The following HLA-DQB2 variants were observed in gnomAD, a reference collection of about 807,000 sequenced individuals.
HLA-DQB2 encodes the protein major histocompatibility complex, class II, DQ beta 2, also known as HLA class II histocompatibility antigen, DQ beta 2 chain.
In HLA-DQB2, 24 loss-of-function variants were observed where a neutral mutation model predicts 29.2. That is an observed-to-expected ratio of 0.82 (90% CI 0.60 to 1.16). HLA-DQB2 has a LOEUF of 1.16. Among genes scored for constraint, HLA-DQB2 ranks in the 50% most tolerant of loss-of-function variants. The probability of loss-of-function intolerance (pLI) is 0.00; values close to 1 mark genes in which losing one functional copy is unlikely to be tolerated. For missense variants in HLA-DQB2, 273 were observed against 343.6 expected (o/e 0.79, Z 1.62); for synonymous variants, 104 against 133.1 (o/e 0.78, Z 1.51).
chr6:32,756,722 T>C (rs7757475), intron 5 of HLA-DQB2: 106,923 of 1,293,040 alleles, frequency 0.083, 5,465 homozygotes, highest in African/African-American at 0.25. Context: ...ATTTTTTTAG[T>C]AAATTGGGTG....
At position 32,761,666 on chromosome 6, in the gene HLA-DQB2, G is replaced by T. The variant is rs1249792995; in HGVS notation, c.358C>A (p.Arg120=). ...YEAELRTTLQ[R]QVEPTVTISP... is the part of the protein sequence containing the mutation. ...GAAGGACGACGACGCTCACCTTGCC[G>T]CTGCAAGGTCGTGCGCAGCTCCGCC... Residue 120 remains arginine, a synonymous_variant, in exon 2 of 6, where the codon CGG becomes AGG. Coordinates refer to ENST00000437316, the MANE Select transcript of HLA-DQB2 (RefSeq NM_001300790.2). 3 of 1,547,728 alleles carry T rather than the reference G, an allele frequency of 1.9e-6. No individual in the cohort carries two copies. The highest frequency in any genetic ancestry group is 2.4e-5 in the East Asian group (1 of 40,912).
At chr6:32,756,506 C>A in intron 5 of HLA-DQB2, 40 bp from the exon 6 acceptor site, 2 of 1,562,812 alleles carry the variant, frequency 1.3e-6, no homozygotes, top group Non-Finnish European at 1.7e-6. Flanking sequence ...ACAGGGTACC[C>A]TGAGGGACAC....
At position 32,756,130 on chromosome 6, in the gene HLA-DQB2, G is replaced by A; in HGVS notation, c.*323C>T. 2.5e-6 allele frequency: 1 copy of A among 404,002 alleles called. No individual in the cohort carries two copies. The highest frequency in any genetic ancestry group is 4.0e-5 in the Admixed American group (1 of 25,124). The allele number at this position is 404,002 out of a possible 1,614,324, so 25.0% of individuals were successfully genotyped here. On this transcript the variant is annotated 3_prime_UTR_variant, in exon 6 of 6. Coordinates refer to ENST00000437316, the MANE Select transcript of HLA-DQB2 (RefSeq NM_001300790.2). ...GAATCAGGTTTAATTATGGGAAAAAGCACTAAAGTCAGGTAAATGATTTTG... is the reference window on the plus strand; with the variant it reads ...GAATCAGGTTTAATTATGGGAAAAAACACTAAAGTCAGGTAAATGATTTTG...
chr6:32,763,493 AAGGAAAAAGCAGTGGTAG>A lies in HLA-DQB2; in HGVS notation c.-41_-24del, dbSNP rs1281004287. The stretch of plus-strand genomic sequence containing the variant: ...CATCTTCCAAGACGTAAGTGAGACC[AAGGAAAAAGCAGTGGTAG>A]TCAACACAGCTCAAACCTAATGGAT... On this transcript the variant is annotated 5_prime_UTR_variant, in exon 1 of 6. It adds an upstream start codon to the 5' untranslated region. Coordinates refer to ENST00000437316, the MANE Select transcript of HLA-DQB2 (RefSeq NM_001300790.2). 20 of 1,498,162 alleles carry A rather than the reference AAGGAAAAAGCAGTGGTAG, an allele frequency of 1.3e-5. No individual in the cohort carries two copies. The highest frequency in any genetic ancestry group is 1.8e-5 in the Non-Finnish European group (20 of 1,098,076). The allele number at this position is 1,498,162 out of a possible 1,614,324, so 92.8% of individuals were successfully genotyped here.
rs1764871939 is a variant in HLA-DQB2 at position 32,761,891 on chromosome 6, A to G, written c.133T>C (p.Phe45Leu). Residue 45 changes from phenylalanine to leucine, a missense_variant, in exon 2 of 6, where the codon TTC becomes CTC. Phe to Leu is a conservative substitution (Grantham distance 22). Coordinates refer to ENST00000437316, the MANE Select transcript of HLA-DQB2 (RefSeq NM_001300790.2). ...CGCACGCGCTCTGTCCCGTTGGTGA[A>G]GTAGCACATGCCCTTAAACTGGACC... is the stretch of plus-strand genomic sequence containing the variant. ...FLVQFKGMCY[F>L]TNGTERVRGV... 1 of 1,612,498 alleles carries G rather than the reference A, an allele frequency of 6.2e-7. No individual in the cohort carries two copies. The highest frequency in any genetic ancestry group is 1.3e-5 in the African/African-American group (1 of 74,888).
intron 2 of HLA-DQB2, among the ~76,000 whole-genome samples, chr6:32,760,093 A>G (rs1764650005): frequency 9.0e-6 from 1 of 110,598 alleles, no homozygotes; most frequent in Non-Finnish European, 2.0e-5. Context: ...AATAACTTTT[A>G]TAGAAATAGA....
In HLA-DQB2 at chr6:32,758,956, C is replaced by T; in HGVS notation, c.540G>A (p.Trp180Ter). Residue 180 changes from tryptophan (W) to a stop codon, truncating the protein, a stop_gained, in exon 3 of 6, where the codon TGG becomes TGA. Coordinates refer to ENST00000437316, the MANE Select transcript of HLA-DQB2 (RefSeq NM_001300790.2). LOFTEE classifies it high-confidence loss of function. ...VSTSLIRNGD[W>*]TFQILVMLEI... ...CCAGCATCACCAGAATCTGGAAGGTCCAGTCACCATTCCTAATGAGGGAGG... is the reference window on the plus strand; with the variant it reads ...CCAGCATCACCAGAATCTGGAAGGTTCAGTCACCATTCCTAATGAGGGAGG... The T allele has an allele frequency of 6.2e-7, 1 of 1,614,230 alleles. No homozygotes were observed. Among genetic ancestry groups the T allele is most frequent in the Non-Finnish European group, 8.5e-7 (1 of 1,180,042 alleles).
Position 32,763,399 on chromosome 6 carries a change from T to G in HLA-DQB2, c.72A>C (p.Pro24=). Residue 24 remains proline, a synonymous_variant, in exon 1 of 6, where the codon CCA becomes CCC. Transcript: ENST00000437316. ...TGGGAAAGTCTCTGGCCTCAGCCAC[T>G]GGGGTGCTCAGCATCACCAGCATCA... ...VTVMLVMLST[P]VAEARDFPKD... The G allele has an allele frequency of 6.4e-7, 1 of 1,563,832 alleles. No individual in the cohort carries two copies. Among genetic ancestry groups the G allele is most frequent in the Non-Finnish European group, 8.7e-7 (1 of 1,153,466 alleles).
intron 2 of HLA-DQB2, 25 bp downstream of exon 2, chr6:32,761,635 C>A (rs2395263): frequency 0.58 from 889,488 of 1,532,536 alleles, 262,387 homozygotes; most frequent in East Asian, 0.76. Flanking sequence ...AAGGGTGAGC[C>A]CCGCGGAAGG....
In HLA-DQB2 at chr6:32,758,875, G is replaced by C; in HGVS notation, c.621C>G (p.Leu207=). 1 of 1,613,982 alleles carries C rather than the reference G, an allele frequency of 6.2e-7. No individual in the cohort carries two copies. The highest frequency in any genetic ancestry group is 8.5e-7 in the Non-Finnish European group (1 of 1,179,962). Residue 207 remains leucine (L), a synonymous_variant, in exon 3 of 6, where the codon CTC becomes CTG. Transcript: ENST00000437316. ...GCCACTCCACGGTGATGGGGCTCTG[G>C]AGGCTGGGGTGCTCCACTTGGCAGG... is the stretch of plus-strand genomic sequence containing the variant. The part of the protein sequence containing the change: ...IYTCQVEHPS[L]QSPITVEWRA...
In HLA-DQB2 at chr6:32,761,721, C is replaced by T. The variant is rs1380205453; in HGVS notation, c.303G>A (p.Ala101=). Reference sequence around the variant, plus strand: ...AGTTGTGTCTGCACACCTTGTCCACCGCGGCCCGCTCCTGCTCCAAGAAGT... The same window carrying T: ...AGTTGTGTCTGCACACCTTGTCCACTGCGGCCCGCTCCTGCTCCAAGAAGT... ...YKDFLEQERA[A]VDKVCRHNYE... is the part of the protein sequence containing the mutation. The change falls in exon 2 of 6, where the codon GCG becomes GCA. Residue 101 remains alanine (A), a synonymous_variant. Coordinates refer to ENST00000437316, the MANE Select transcript of HLA-DQB2 (RefSeq NM_001300790.2). 1.3e-6 allele frequency: 2 copies of T among 1,553,656 alleles called. No homozygotes were observed. The highest frequency in any genetic ancestry group is 3.9e-5 in the Admixed American group (2 of 51,174).
At chr6:32,757,032 T>TTG (rs1764318446) in intron 5 of HLA-DQB2, 13 of 1,379,370 alleles carry the variant, frequency 9.4e-6, no homozygotes, top group Non-Finnish European at 1.2e-5. Flanking sequence ...CTTCTTTTTT[T>TTG]TTTTTGAGAC....
rs1009071641 is a variant in HLA-DQB2 at position 32,756,250 on chromosome 6, G to A, written c.*203C>T. 1.7e-6 allele frequency: 1 copy of A among 594,848 alleles called. No individual in the cohort carries two copies. The highest frequency in any genetic ancestry group is 1.9e-5 in the African/African-American group (1 of 53,998). 36.8% of individuals were successfully genotyped at this position (594,848 alleles called of 1,614,324 possible). A position where few individuals can be genotyped will look rare whatever the true frequency, so the allele number is the denominator to read the frequency against. On this transcript the variant is annotated 3_prime_UTR_variant, in exon 6 of 6. Coordinates refer to ENST00000437316, the MANE Select transcript of HLA-DQB2 (RefSeq NM_001300790.2). ...AGACACAGCTTGCAGTGCACAGGCA[G>A]AGGCTCTGGGTCAGTGCAGGAAGCA...
At chr6:32,758,806 T>G in intron 3 of HLA-DQB2, 44 bp downstream of exon 3, 2 of 1,585,132 alleles carry the variant, frequency 1.3e-6, no homozygotes, top group Non-Finnish European at 1.7e-6. Flanking sequence ...CTCTGCCCTT[T>G]GTCTTGTGGG....
At chr6:32,762,471 A>C (rs1163224608) in intron 1 of HLA-DQB2, among the ~76,000 whole-genome samples, 2 of 150,534 alleles carry the variant, frequency 1.3e-5, no homozygotes, top group Non-Finnish European at 3.0e-5. Flanking sequence ...ATACCCGCCC[A>C]AGTGCCCTGT....
intron 5 of HLA-DQB2, 48 bp downstream of exon 5, chr6:32,757,233 C>G (rs1764335158): frequency 1.3e-6 from 2 of 1,550,098 alleles, no homozygotes; most frequent in East Asian, 2.4e-5. Flanking sequence ...GCTCTTCCCT[C>G]TTATGCCTGT....
At chr6:32,762,048 A>G (rs1307592994) in intron 1 of HLA-DQB2, 122 bp from the exon 2 acceptor site, 13 of 1,299,870 alleles carry the variant, frequency 1.0e-5, no homozygotes, top group Non-Finnish European at 1.4e-5. Context: ...CGTCCACGCG[A>G]AATTGAGTTC....
intron 3 of HLA-DQB2, among the ~76,000 whole-genome samples, chr6:32,758,260 C>G (rs182440825): frequency 1.6e-4 from 25 of 152,284 alleles, no homozygotes; most frequent in Admixed American, 4.6e-4. Flanking sequence ...GTGACTGGAT[C>G]ATTAGACCAG....
In HLA-DQB2 at chr6:32,758,382, G is replaced by C. The variant is rs118185960; in HGVS notation, c.646+468C>G. Reference sequence around the variant, plus strand: ...CCCTCTCTCTCATGCTCCTGCCCCTGCCCTGTGAGACACCTCACTCCCTCT... The same window carrying C: ...CCCTCTCTCTCATGCTCCTGCCCCTCCCCTGTGAGACACCTCACTCCCTCT... On this transcript the variant is annotated intron_variant, in intron 3 of 5. Transcript: ENST00000437316. 9.1e-3 allele frequency among the ~76,000 whole-genome samples: 1,385 copies of C among 152,224 alleles called. 42 individuals carry two copies. In the South Asian group the frequency reaches 0.1, roughly 11 times the overall value.
Sources: allele counts gnomAD v4.1 joint callset (sites outside exome capture counted in the v4.1 genomes callset), GRCh38; gene constraint gnomAD v4.1.1; transcripts MANE v1.5; gene names NCBI Gene and HGNC (gene_info 2026-07-23, HGNC 2026-07-21).